FBRSL1: variants seen among roughly 807,000 people sequenced by gnomAD.
The protein encoded by FBRSL1 is fibrosin like 1, also known as fibrosin-1-like protein.
In FBRSL1, 51 loss-of-function variants were observed where a neutral mutation model predicts 89.6. The ratio of observed to expected loss-of-function variants is 0.57; its 90% CI spans 0.45 to 0.72. FBRSL1 has a LOEUF of 0.72. FBRSL1 is among the 30% of genes least tolerant of loss of function. The probability of loss-of-function intolerance (pLI) is 0.00; values close to 1 mark genes in which losing one functional copy is unlikely to be tolerated. For synonymous variants in FBRSL1, 779 were observed against 681.1 expected (o/e 1.14, Z -2.24); for missense variants, 1,618 against 1,451.8 (o/e 1.11, Z -1.86).
intron 6 of FBRSL1, among the ~76,000 whole-genome samples, chr12:132,569,262 G>A (rs974349823): frequency 2.6e-5 from 4 of 151,556 alleles, no homozygotes; most frequent in South Asian, 2.1e-4. Flanking sequence ...CAGGACCTGC[G>A]GGGGACGTGC....
Position 132,567,636 on chromosome 12 carries a change from C to T in FBRSL1, c.691+110C>T, listed in dbSNP as rs2039720006. 2.6e-6 allele frequency: 3 copies of T among 1,169,016 alleles called. No homozygotes were observed. The African/African-American group carries it at 4.6e-5, about 18-fold the overall frequency. 72.4% of individuals were successfully genotyped at this position (1,169,016 alleles called of 1,614,324 possible). ...AGTCAGGGGAGAGATGGTCTTGGCA[C>T]CTGGGGTGCAGAGCTGGGTGGGACC... On this transcript the variant is annotated intron_variant, in intron 6 of 18. Transcript: ENST00000680143.
chr12:132,490,888 G>T (rs1195600405), intron 1 of FBRSL1, 27 bp downstream of exon 1: 2 of 1,323,716 alleles, frequency 1.5e-6, no homozygotes, highest in Non-Finnish European at 1.9e-6. Flanking sequence ...GGCTTCGCAG[G>T]CGTTGAGGCG....
intron 5 of FBRSL1, among the ~76,000 whole-genome samples, chr12:132,558,610 C>A (rs1205128607): frequency 6.6e-6 from 1 of 152,244 alleles, no homozygotes; most frequent in Non-Finnish European, 1.5e-5. Context: ...CTGGCTGAGG[C>A]CGACCTTGGT....
Position 132,576,833 on chromosome 12 carries a change from G to A in FBRSL1, c.1736G>A (p.Gly579Asp). The A allele has an allele frequency of 6.4e-7, 1 of 1,550,988 alleles. No individual in the cohort carries two copies. The highest frequency in any genetic ancestry group is 8.7e-7 in the Non-Finnish European group (1 of 1,146,892). The part of the protein sequence containing the change: ...MQLDPHKLEV[G>D]AKLDLFGRPP... ...CTGGACCCCCACAAGCTGGAGGTGG[G>A]TGCAAAGCTGGACCTGTTCGGCAGA... Residue 579 changes from glycine to aspartate, a missense_variant, in exon 15 of 19, where the codon GGT becomes GAT. Transcript: ENST00000680143.
intron 14 of FBRSL1, among the ~76,000 whole-genome samples, chr12:132,575,595 T>G (rs922625902): frequency 2.0e-5 from 3 of 152,266 alleles, no homozygotes; most frequent in African/African-American, 7.2e-5. Context: ...AGGGATCAGG[T>G]GCTCCTGGTG....
At chr12:132,492,609 G>A (rs562378707) in intron 1 of FBRSL1, among the ~76,000 whole-genome samples, 5 of 152,374 alleles carry the variant, frequency 3.3e-5, no homozygotes, top group African/African-American at 9.6e-5. Context: ...TGTTTTGCCC[G>A]CAGCGGCTCT....
At chr12:132,507,464 C>T (rs1487912260) in intron 1 of FBRSL1, 3 of 978,584 alleles carry the variant, frequency 3.1e-6, no homozygotes, top group Non-Finnish European at 3.6e-6. Context: ...ACCGGCAGGG[C>T]GGAGGCTGGA....
intron 4 of FBRSL1, 87 bp from the exon 5 acceptor site, chr12:132,547,916 G>A (rs1396874182): frequency 3.1e-5 from 45 of 1,445,504 alleles, no homozygotes; most frequent in Non-Finnish European, 4.1e-5. Context: ...CCCCACCCGT[G>A]CCCCTGCAGC....
At chr12:132,528,100 G>C in intron 4 of FBRSL1, 112 bp downstream of exon 4, 1 of 962,036 alleles carries the variant, frequency 1.0e-6, no homozygotes. Flanking sequence ...TCCCGTGCCC[G>C]CTTTCCCTCT....
Position 132,567,462 on chromosome 12 carries a change from C to T in FBRSL1, c.646-19C>T. ...GAGGACCACCCTGACTGCCCCTGAC[C>T]CCCCTTCTCTCTCTCCAGGCATCCG... On this transcript the variant is annotated intron_variant, in intron 5 of 18. Transcript: ENST00000680143. 2.6e-6 allele frequency: 4 copies of T among 1,551,026 alleles called. No individual in the cohort carries two copies. Among genetic ancestry groups the T allele is most frequent in the Non-Finnish European group, 3.5e-6 (4 of 1,146,816 alleles).
At chr12:132,517,927 C>T (rs1204752631) in intron 2 of FBRSL1, among the ~76,000 whole-genome samples, 6 of 152,084 alleles carry the variant, frequency 3.9e-5, no homozygotes, top group Non-Finnish European at 7.4e-5. Flanking sequence ...TTGGACAGGG[C>T]GCCAACTGAG....
At position 132,581,523 on chromosome 12, in the gene FBRSL1, GTC is replaced by G. The variant is rs1397819822; in HGVS notation, c.1912+11_1912+12del. ...CCCACTGGCCCCCTGACAGGTGGGT[GTC>G]TCTGAATTCAGCCCACGCAGCCTGG... On this transcript the variant is annotated splice_region_variant and intron_variant, in intron 16 of 18. Transcript: ENST00000680143. 3.2e-6 allele frequency: 5 copies of G among 1,550,614 alleles called. No homozygotes were observed. The African/African-American group carries it at 4.1e-5, about 13-fold the overall frequency.
chr12:132,571,563 C>A, intron 9 of FBRSL1: 1 of 1,299,968 alleles, frequency 7.7e-7, no homozygotes, highest in Non-Finnish European at 9.9e-7. Context: ...CGGGGGCGGG[C>A]GTGGGGCGGG....
rs1253503727 is a variant in FBRSL1, at chr12:132,583,126, G to A, written c.2357G>A (p.Arg786His). 12 of 1,460,932 alleles carry A rather than the reference G, an allele frequency of 8.2e-6. No individual in the cohort carries two copies. Among genetic ancestry groups the A allele is most frequent in the Admixed American group, 2.4e-5 (1 of 41,832 alleles). The allele number at this position is 1,460,932 out of a possible 1,614,324, so 90.5% of individuals were successfully genotyped here. The change falls in exon 19 of 19, where the codon CGC becomes CAC. Residue 786 changes from arginine to histidine, a missense_variant. Coordinates refer to ENST00000680143, the MANE Select transcript of FBRSL1 (RefSeq NM_001367871.1). Reference sequence around the variant, plus strand: ...GCCGAACCTCGGGTCAAGGAGAGCCGCTCCCCGGCCAAGGAGGAGGCCGCC... The same window carrying A: ...GCCGAACCTCGGGTCAAGGAGAGCCACTCCCCGGCCAAGGAGGAGGCCGCC... ...REAEPRVKES[R>H]SPAKEEAAKM...
chr12:132,564,108 C>T (rs1038692767), intron 5 of FBRSL1, among the ~76,000 whole-genome samples: 3 of 152,334 alleles, frequency 2.0e-5, no homozygotes, highest in South Asian at 2.1e-4. Flanking sequence ...GAGCGCGTGC[C>T]GACAGCAATT....
At chr12:132,518,027 G>A (rs10870591) in intron 2 of FBRSL1, among the ~76,000 whole-genome samples, 15,116 of 152,108 alleles carry the variant, frequency 0.099, 1,605 homozygotes, top group East Asian at 0.39. Flanking sequence ...CACACCTGCT[G>A]GAGTCCACTC....
chr12:132,536,026 T>C (rs2036698477), intron 4 of FBRSL1, among the ~76,000 whole-genome samples: 1 of 151,306 alleles, frequency 6.6e-6, no homozygotes, highest in Non-Finnish European at 1.5e-5. Context: ...ACATGGTGTG[T>C]TGTTTACATG....
chr12:132,532,188 G>A (rs551837683), intron 4 of FBRSL1, among the ~76,000 whole-genome samples: 110 of 152,282 alleles, frequency 7.2e-4, no homozygotes, highest in Non-Finnish European at 1.2e-3. Context: ...GAGCTGCAGG[G>A]TGGTGGTGGC....
intron 5 of FBRSL1, among the ~76,000 whole-genome samples, chr12:132,563,905 C>G (rs78380930): frequency 2.3e-5 from 3 of 130,288 alleles, no homozygotes; most frequent in Non-Finnish European, 1.6e-5. Context: ...CCCCGAGCAC[C>G]TGTGCACCCC....
Sources: allele counts gnomAD v4.1 joint callset (sites outside exome capture counted in the v4.1 genomes callset), GRCh38; gene constraint gnomAD v4.1.1; transcripts MANE v1.5; gene names NCBI Gene and HGNC (gene_info 2026-07-23, HGNC 2026-07-21).